ARFGEF3: variants seen among roughly 807,000 people sequenced by gnomAD.
The protein encoded by ARFGEF3 is ARFGEF family member 3.
In ARFGEF3, 96 loss-of-function variants were observed where a neutral mutation model predicts 221.7. The observed-to-expected ratio is 0.43, with a 90% confidence interval of 0.37 to 0.51. The LOEUF is 0.51. Ranked by LOEUF, ARFGEF3 falls within the 20% of genes least tolerant of loss-of-function variation. The pLI is 0.00. For synonymous variants in ARFGEF3, 1,145 were observed against 1,126.8 expected (o/e 1.02, Z -0.32); for missense variants, 2,410 against 2,789.9 (o/e 0.86, Z 3.07).
chr6:138,257,305 G>T (rs903279469), intron 10 of ARFGEF3, among the ~76,000 whole-genome samples: 1 of 152,136 alleles, frequency 6.6e-6, no homozygotes, highest in African/African-American at 2.4e-5. Flanking sequence ...GCAAGCGTGG[G>T]CTTCCTCTGA....
chr6:138,313,903 A>T lies in ARFGEF3; in HGVS notation c.4309A>T (p.Ile1437Phe), dbSNP rs1562389148. ...QEQSASSEDG[I>F]ESVLSDFDDD... is the part of the protein sequence containing the mutation. Reference sequence around the variant, plus strand: ...ACAGTCAGCCAGCAGTGAGGATGGAATTGAATCAGTCCTGTCTGATTTTGA... The same window carrying T: ...ACAGTCAGCCAGCAGTGAGGATGGATTTGAATCAGTCCTGTCTGATTTTGA... The change falls in exon 26 of 34, where the codon ATT becomes TTT. Residue 1437 changes from isoleucine to phenylalanine, a missense_variant. By Grantham distance (21) the Ile-to-Phe change is conservative. Around this residue, in one of 5 missense-constraint regions of ARFGEF3, gnomAD observed 723 missense variants for 991.9 expected, o/e 0.73. Transcript: ENST00000251691. The T allele has an allele frequency of 1.2e-6, 2 of 1,613,818 alleles. No homozygotes were observed. The highest frequency in any genetic ancestry group is 1.7e-5 in the Admixed American group (1 of 59,992).
At chr6:138,206,076 G>C (rs987870109) in intron 2 of ARFGEF3, among the ~76,000 whole-genome samples, 4 of 152,210 alleles carry the variant, frequency 2.6e-5, no homozygotes, top group African/African-American at 9.6e-5. Flanking sequence ...TTCAGTTTAT[G>C]CTGAAAATAT....
chr6:138,340,639 G>A lies in ARFGEF3; in HGVS notation c.*4153G>A, dbSNP rs1401093594. On this transcript the variant is annotated 3_prime_UTR_variant, in exon 34 of 34. Coordinates refer to ENST00000251691, the MANE Select transcript of ARFGEF3 (RefSeq NM_020340.5). ...CACACGTAGTCCTCACAACAACCTT[G>A]TGAGACAAGTGTTGTGTTCCTCATT... is the stretch of plus-strand genomic sequence containing the variant. 1.3e-5 allele frequency: 2 copies of A among 152,180 alleles called. No individual in the cohort carries two copies. The highest frequency in any genetic ancestry group is 2.9e-5 in the Non-Finnish European group (2 of 68,038). The allele number at this position is 152,180 out of a possible 1,614,324, so 9.4% of individuals were successfully genotyped here.
chr6:138,285,991 C>A lies in ARFGEF3; in HGVS notation c.2507C>A (p.Ala836Asp). 10 of 1,611,366 alleles carry A rather than the reference C, an allele frequency of 6.2e-6. No homozygotes were observed. The highest frequency in any genetic ancestry group is 8.5e-6 in the Non-Finnish European group (10 of 1,179,700). The change falls in exon 15 of 34, where the codon GCC (alanine) becomes GAC (aspartate). Residue 836 changes from alanine to aspartate, a missense_variant. Ala to Asp is a moderately radical substitution (Grantham distance 126, BLOSUM62 -2). This residue lies in a region of ARFGEF3 where 594 missense variants were observed against 734.3 expected (regional missense o/e 0.81). Coordinates refer to ENST00000251691, the MANE Select transcript of ARFGEF3 (RefSeq NM_020340.5). ...AGTGCCATTGGTGGCCAGCTGATGG[C>A]CTCGGCTGCTACAGAGTCTCCTTTC... is the stretch of plus-strand genomic sequence containing the variant. ...ESSAIGGQLM[A>D]SAATESPFAQ...
At chr6:138,329,911 A>G in intron 32 of ARFGEF3, among the ~76,000 whole-genome samples, 1 of 152,212 alleles carries the variant, frequency 6.6e-6, no homozygotes, top group South Asian at 2.1e-4. Context: ...TGAGTCAGAA[A>G]AGAGAGTCAG....
chr6:138,286,891 A>G lies in ARFGEF3; in HGVS notation c.2760A>G (p.Lys920=). The change falls in exon 16 of 34, where the codon AAA becomes AAG. Residue 920 remains lysine (K), a synonymous_variant. Coordinates refer to ENST00000251691, the MANE Select transcript of ARFGEF3 (RefSeq NM_020340.5). ...GCATGAGCCTCGACGGGCTGCGGAA[A>G]GCCGCACGGCTGAGCTGCGCTCTAG... is the stretch of plus-strand genomic sequence containing the variant. The part of the protein sequence containing the change: ...AICMSLDGLR[K]AARLSCALGV... The G allele has an allele frequency of 6.2e-7, 1 of 1,613,280 alleles. No individual in the cohort carries two copies. Among genetic ancestry groups the G allele is most frequent in the African/African-American group, 1.3e-5 (1 of 75,050 alleles).
At position 138,328,061 on chromosome 6, in the gene ARFGEF3, A is replaced by G; in HGVS notation, c.5042A>G (p.Asn1681Ser). 6.4e-7 allele frequency: 1 copy of G among 1,558,714 alleles called. No individual in the cohort carries two copies. Among genetic ancestry groups the G allele is most frequent in the Non-Finnish European group, 8.7e-7 (1 of 1,150,254 alleles). The change falls in exon 32 of 34, where the codon AAC becomes AGC. Residue 1681 changes from asparagine (N) to serine (S), a missense_variant. This residue lies in a region of ARFGEF3 where 723 missense variants were observed against 991.9 expected (regional missense o/e 0.73). Transcript: ENST00000251691. ...LDTQCSPKTPNNFDHAQSCQL... is the reference protein window; with the variant it reads ...LDTQCSPKTPSNFDHAQSCQL... ...ACCCAGTGCTCACCAAAGACACCAA[A>G]CAACTTTGACCACGCTCAGTCCTGC...
At position 138,317,391 on chromosome 6, in the gene ARFGEF3, T is replaced by C; in HGVS notation, c.4474+12T>C. Reference sequence around the variant, plus strand: ...GACGAAAACACCAGGTAAATATTTCTGTGTCCGTCTTTTGGGGGAGTGGTT... The same window carrying C: ...GACGAAAACACCAGGTAAATATTTCCGTGTCCGTCTTTTGGGGGAGTGGTT... On this transcript the variant is annotated intron_variant, in intron 27 of 33. Transcript: ENST00000251691. 1 of 1,613,850 alleles carries C rather than the reference T, an allele frequency of 6.2e-7. No homozygotes were observed. Among genetic ancestry groups the C allele is most frequent in the Non-Finnish European group, 8.5e-7 (1 of 1,179,846 alleles).
At chr6:138,182,796 T>C (rs1359087821) in intron 2 of ARFGEF3, among the ~76,000 whole-genome samples, 4 of 152,154 alleles carry the variant, frequency 2.6e-5, no homozygotes. Flanking sequence ...AGGGTTAAGG[T>C]GAGCAAAACT....
intron 3 of ARFGEF3, among the ~76,000 whole-genome samples, chr6:138,209,174 A>G (rs1331726095): frequency 6.6e-6 from 1 of 152,156 alleles, no homozygotes; most frequent in East Asian, 1.9e-4. Context: ...TCCTGGATAA[A>G]TGACAGCTCA....
chr6:138,278,600 C>G lies in ARFGEF3; in HGVS notation c.2278C>G (p.Leu760Val). Residue 760 changes from leucine to valine, a missense_variant, in exon 13 of 34, where the codon CTG (leucine) becomes GTG (valine). Transcript: ENST00000251691. Reference sequence around the variant, plus strand: ...TGACTACTACAGGAAGCGGCCGACCCTGGCGCCAGGCGTGATGGTGAGTGT... The same window carrying G: ...TGACTACTACAGGAAGCGGCCGACCGTGGCGCCAGGCGTGATGGTGAGTGT... ...HGDYYRKRPTLAPGVMKDFMK... is the reference protein window; with the variant it reads ...HGDYYRKRPTVAPGVMKDFMK... 5.6e-6 allele frequency: 9 copies of G among 1,613,934 alleles called. No homozygotes were observed. Among genetic ancestry groups the G allele is most frequent in the Non-Finnish European group, 5.9e-6 (7 of 1,179,880 alleles).
chr6:138,237,539 C>A (rs56663988), intron 5 of ARFGEF3, among the ~76,000 whole-genome samples: 9,625 of 152,174 alleles, frequency 0.063, 353 homozygotes, highest in Middle Eastern at 0.15. Flanking sequence ...GAGATTTCTC[C>A]ATGTAGTAGC....
At chr6:138,331,322 T>C (rs532502404) in intron 32 of ARFGEF3, among the ~76,000 whole-genome samples, 16 of 152,374 alleles carry the variant, frequency 1.1e-4, no homozygotes, top group African/African-American at 3.6e-4. Flanking sequence ...TCCTTAACAT[T>C]CTTTAAGAGC....
intron 17 of ARFGEF3, among the ~76,000 whole-genome samples, chr6:138,288,836 A>G (rs960012811): frequency 6.6e-6 from 1 of 152,232 alleles, no homozygotes; most frequent in Non-Finnish European, 1.5e-5. Context: ...TTATCCTACC[A>G]CATGCAATGA....
chr6:138,317,961 A>G (rs1226609544), intron 27 of ARFGEF3, among the ~76,000 whole-genome samples: 1 of 152,194 alleles, frequency 6.6e-6, no homozygotes, highest in Non-Finnish European at 1.5e-5. Context: ...TGAATTAATC[A>G]ATTTTAGTAT....
At chr6:138,297,048 G>C (rs1011668367) in intron 21 of ARFGEF3, 93 bp downstream of exon 21, 9 of 1,412,098 alleles carry the variant, frequency 6.4e-6, no homozygotes, top group Non-Finnish European at 8.6e-6. Flanking sequence ...TGGGGGCAAA[G>C]CACTGTGGCC....
intron 25 of ARFGEF3, among the ~76,000 whole-genome samples, chr6:138,313,549 A>G (rs1779867444): frequency 6.6e-6 from 1 of 152,226 alleles, no homozygotes; most frequent in Admixed American, 6.5e-5. Flanking sequence ...AAGATACTGA[A>G]CAATTATCCA....
chr6:138,178,180 G>A (rs1776993166), intron 2 of ARFGEF3, among the ~76,000 whole-genome samples: 1 of 152,042 alleles, frequency 6.6e-6, no homozygotes, highest in South Asian at 2.1e-4. Context: ...TTTACTGAAG[G>A]CATTCCCTAA....
At position 138,307,335 on chromosome 6, in the gene ARFGEF3, A is replaced by C. The variant is rs778099059; in HGVS notation, c.3911A>C (p.Glu1304Ala). 3.8e-5 allele frequency: 62 copies of C among 1,613,850 alleles called. No individual in the cohort carries two copies. Among genetic ancestry groups the C allele is most frequent in the Admixed American group, 5.0e-5 (3 of 60,006 alleles). The change falls in exon 23 of 34, where the codon GAA becomes GCA. Residue 1304 changes from glutamate (E) to alanine (A), a missense_variant. By Grantham distance (107) the Glu-to-Ala change is moderately radical. Transcript: ENST00000251691. Reference protein sequence around the residue: ...SGWRPLFSALETVHGGNKSEM... With the variant: ...SGWRPLFSALATVHGGNKSEM... ...TGGAGACCCTTGTTCAGTGCCCTGG[A>C]AACAGTGCATGGCGGGAACAAGTCA...
Sources: allele counts gnomAD v4.1 joint callset (sites outside exome capture counted in the v4.1 genomes callset), GRCh38; gene constraint gnomAD v4.1.1; regional missense constraint gnomAD v4.1.1; transcripts MANE v1.5; gene names NCBI Gene and HGNC (gene_info 2026-07-23, HGNC 2026-07-21).